ANKHD1: variants seen among roughly 807,000 people sequenced by gnomAD.
ANKHD1 encodes ankyrin repeat and KH domain containing 1.
In ANKHD1, 31 loss-of-function variants were observed where a neutral mutation model predicts 230.5. The observed-to-expected ratio is 0.13, with a 90% CI of 0.10 to 0.18. The LOEUF (loss-of-function observed/expected upper bound fraction) is 0.18, where lower values mean the gene tolerates loss of function less well. ANKHD1 is among the 10% of genes least tolerant of loss of function. The pLI is 1.00. For synonymous variants in ANKHD1, 1,074 were observed against 1,117.6 expected (o/e 0.96, Z 0.78); for missense variants, 2,256 against 3,071.3 (o/e 0.73, Z 6.27).
At position 140,526,085 on chromosome 5, in the gene ANKHD1, T is replaced by C; in HGVS notation, c.4582T>C (p.Phe1528Leu). 2 of 1,613,460 alleles carry C rather than the reference T, an allele frequency of 1.2e-6. No homozygotes were observed. The highest frequency in any genetic ancestry group is 1.7e-6 in the Non-Finnish European group (2 of 1,179,906). ...SATSATFTNV[F>L]GKKRANVVTT... ...AACATCTGCAACATTCACAAATGTG[T>C]TTGGGAAAAAAAGGGCCAATGTGGT... Residue 1528 changes from phenylalanine (F) to leucine (L), a missense_variant, in exon 26 of 34, where the codon TTT (phenylalanine) becomes CTT (leucine). By Grantham distance (22) the Phe-to-Leu change is conservative (BLOSUM62 0). Around this residue, in one of 13 missense-constraint regions of ANKHD1, gnomAD observed 212 missense variants for 257.3 expected, o/e 0.82. Transcript: ENST00000360839.
intron 1 of ANKHD1, among the ~76,000 whole-genome samples, chr5:140,427,316 T>TG (rs1174535858): frequency 1.7e-5 from 1 of 57,738 alleles, no homozygotes; most frequent in Non-Finnish European, 3.4e-5. Flanking sequence ...GCTGGCCGGG[T>TG]GGGGGGCCGA....
chr5:140,516,131 G>A (rs866633154), intron 24 of ANKHD1, among the ~76,000 whole-genome samples: 8 of 152,116 alleles, frequency 5.3e-5, no homozygotes, highest in Non-Finnish European at 8.8e-5. Flanking sequence ...ACCAAGGCTC[G>A]AGAACTACGT....
At chr5:140,531,614 GAA>G (rs1753823828) in intron 29 of ANKHD1, among the ~76,000 whole-genome samples, 1 of 152,168 alleles carries the variant, frequency 6.6e-6, no homozygotes, top group East Asian at 1.9e-4. Flanking sequence ...AAGAAGATGG[GAA>G]AAGATAGAGA....
In ANKHD1 at chr5:140,497,116, T is replaced by A; in HGVS notation, c.2842T>A (p.Ser948Thr). The change falls in exon 15 of 34, where the codon TCT (serine) becomes ACT (threonine). Residue 948 changes from serine (S) to threonine (T), a missense_variant. Around this residue, in one of 13 missense-constraint regions of ANKHD1, gnomAD observed 358 missense variants for 397.7 expected, o/e 0.90. Coordinates refer to ENST00000360839, the MANE Select transcript of ANKHD1 (RefSeq NM_017747.3). ...TGACTTAGGTTCTAATGGGACAAAT[T>A]CTCTTGAACTTCAGAAAGTATCAGG... The part of the protein sequence containing the change: ...SSDLGSNGTN[S>T]LELQKVSGNQ... 1.9e-6 allele frequency: 3 copies of A among 1,614,134 alleles called. No homozygotes were observed. Among genetic ancestry groups the A allele is most frequent in the Non-Finnish European group, 2.5e-6 (3 of 1,180,020 alleles).
intron 24 of ANKHD1, among the ~76,000 whole-genome samples, chr5:140,519,074 CA>C (rs1753189196): frequency 6.6e-6 from 1 of 152,168 alleles, no homozygotes; most frequent in East Asian, 1.9e-4. Context: ...AGCTGATAAG[CA>C]ACTTCAGCAA....
chr5:140,519,428 T>A (rs9687671), intron 24 of ANKHD1, among the ~76,000 whole-genome samples: 2,468 of 152,292 alleles, frequency 0.016, 74 homozygotes, highest in African/African-American at 0.056. Flanking sequence ...GAATAACTAC[T>A]TTAAAGTTCA....
chr5:140,476,071 TAAAAC>T (rs1345158857), intron 10 of ANKHD1, among the ~76,000 whole-genome samples: 1 of 152,026 alleles, frequency 6.6e-6, no homozygotes, highest in Non-Finnish European at 1.5e-5. Context: ...GGATATAAAA[TAAAAC>T]TAAAAGTTTT....
intron 15 of ANKHD1, 90 bp downstream of exon 15, chr5:140,497,368 G>A (rs1440217088): frequency 2.4e-5 from 35 of 1,484,832 alleles, no homozygotes; most frequent in Admixed American, 6.9e-5. Flanking sequence ...GACTTTGTAC[G>A]TTTCCATTTT....
At chr5:140,498,288 TA>T (rs1444108264) in intron 15 of ANKHD1, 1 of 152,256 alleles carries the variant, frequency 6.6e-6, no homozygotes, top group East Asian at 1.9e-4. Flanking sequence ...CCATCCCAAT[TA>T]TGCTATCTCA....
chr5:140,515,500 C>G (rs1475310545), intron 24 of ANKHD1, among the ~76,000 whole-genome samples: 1 of 152,186 alleles, frequency 6.6e-6, no homozygotes, highest in East Asian at 1.9e-4. Flanking sequence ...CTACAGCTCC[C>G]AGCGTGAGCG....
chr5:140,435,432 C>T (rs1216019508), intron 1 of ANKHD1, among the ~76,000 whole-genome samples: 1 of 150,114 alleles, frequency 6.7e-6, no homozygotes, highest in Non-Finnish European at 1.5e-5. Context: ...GGCTAGAGTA[C>T]AATGGCACGA....
At chr5:140,411,643 C>T (rs980814396) in intron 1 of ANKHD1, among the ~76,000 whole-genome samples, 8 of 151,578 alleles carry the variant, frequency 5.3e-5, no homozygotes, top group African/African-American at 1.9e-4. Flanking sequence ...CCTCAGCCTC[C>T]TGAGTAGCTG....
At chr5:140,531,831 A>G (rs1753837810) in intron 29 of ANKHD1, among the ~76,000 whole-genome samples, 1 of 152,236 alleles carries the variant, frequency 6.6e-6, no homozygotes, top group Admixed American at 6.5e-5. Flanking sequence ...CAAAATGTAG[A>G]AACAACCGAA....
intron 29 of ANKHD1, among the ~76,000 whole-genome samples, chr5:140,533,376 A>G (rs1441326381): frequency 6.6e-6 from 1 of 152,182 alleles, no homozygotes; most frequent in South Asian, 2.1e-4. Flanking sequence ...AGGCGGGCAG[A>G]TCACGAGGTC....
rs76505219 is a variant in ANKHD1 at position 140,507,049 on chromosome 5, G to A, written c.3551+72G>A. Reference sequence around the variant, plus strand: ...TGGACTTAAATGTCTACCTCTTAACGTTTAGACAGATACATTTTAAATTAA... The same window carrying A: ...TGGACTTAAATGTCTACCTCTTAACATTTAGACAGATACATTTTAAATTAA... On this transcript the variant is annotated intron_variant, in intron 19 of 33. Transcript: ENST00000360839. The surrounding 1 kb of genome is among the most constrained non-coding windows in gnomAD (Gnocchi z 4.1). 6,103 of 1,559,022 alleles carry A rather than the reference G, an allele frequency of 3.9e-3. 207 individuals are homozygous for A. In the African/African-American group the frequency reaches 0.072, roughly 18 times the overall value.
At chr5:140,412,921 C>G (rs1274332254) in intron 1 of ANKHD1, among the ~76,000 whole-genome samples, 2 of 152,172 alleles carry the variant, frequency 1.3e-5, no homozygotes, top group African/African-American at 4.8e-5. Flanking sequence ...ACATTTTGCT[C>G]TTCCTCTGCT....
chr5:140,425,408 G>A (rs2126882587), intron 1 of ANKHD1, among the ~76,000 whole-genome samples: 1 of 152,240 alleles, frequency 6.6e-6, no homozygotes, highest in East Asian at 1.9e-4. Context: ...CTATAGGTAT[G>A]CACCACCATG....
At chr5:140,417,345 G>A (rs1275858136) in intron 1 of ANKHD1, among the ~76,000 whole-genome samples, 2 of 151,330 alleles carry the variant, frequency 1.3e-5, no homozygotes, top group Admixed American at 1.3e-4. Context: ...AATCCCAAAA[G>A]GGACAGTAGT....
chr5:140,436,582 T>A (rs1422019441), intron 2 of ANKHD1, among the ~76,000 whole-genome samples: 1 of 151,918 alleles, frequency 6.6e-6, no homozygotes, highest in Admixed American at 6.6e-5. Context: ...CTGTCTCTAC[T>A]AAAATAGAAA....
Sources: gnomAD v4.1 joint callset for allele counts (sites outside exome capture counted in the v4.1 genomes callset) on GRCh38, gnomAD v4.1.1 for gene constraint, gnomAD v4.1.1 regional missense constraint, Gnocchi (gnomAD v3.1) non-coding constraint, MANE v1.5 for transcripts, NCBI Gene and HGNC (gene_info 2026-07-23, HGNC 2026-07-21) for gene names.